Variants in FADS2 observed in about 807,000 individuals in gnomAD.
FADS2 encodes the protein acyl-CoA 6-desaturase.
FADS2 carries 18 observed loss-of-function variants against 61.2 expected under a neutral mutation model. The observed-to-expected ratio is 0.29, with a 90% CI of 0.20 to 0.44. The LOEUF (loss-of-function observed/expected upper bound fraction) is 0.44, where lower values mean the gene tolerates loss of function less well. Ranked by LOEUF, FADS2 falls within the 20% of genes least tolerant of loss-of-function variation. FADS2 has a pLI of 1.00. For synonymous variants in FADS2, 203 were observed against 223.9 expected (o/e 0.91, Z 0.83); for missense variants, 322 against 572.7 (o/e 0.56, Z 4.47).
chr11:61,857,987 T>G (rs1221435576), intron 7 of FADS2, among the ~76,000 whole-genome samples: 1 of 152,194 alleles, frequency 6.6e-6, no homozygotes, highest in East Asian at 1.9e-4. Flanking sequence ...GCAGCAGCGA[T>G]GTGTTTTCTC....
At chr11:61,860,571 G>T (rs1304158036) in intron 7 of FADS2, among the ~76,000 whole-genome samples, 1 of 152,148 alleles carries the variant, frequency 6.6e-6, no homozygotes, top group African/African-American at 2.4e-5. Flanking sequence ...GATCTCTTGG[G>T]CTCTCTGCCC....
At chr11:61,862,914 A>C in intron 7 of FADS2, 58 bp from the exon 8 acceptor site, 1 of 1,399,256 alleles carries the variant, frequency 7.1e-7, no homozygotes, top group Non-Finnish European at 1.0e-6. Flanking sequence ...TGGGGCACGC[A>C]CTTGGTGCCA....
upstream of FADS2, chr11:61,827,448 CT>C (rs3834458): frequency 0.29 from 43,519 of 152,130 alleles, 8,063 homozygotes; most frequent in East Asian, 0.55. This position sits in a 1 kb window ranked among gnomAD's most constrained non-coding sequence, Gnocchi z 4.5. Flanking sequence ...CAATTCTTTT[CT>C]AAGATTGTCT....
chr11:61,828,054 C>T (rs1565326474), upstream of FADS2: 1 of 1,185,734 alleles, frequency 8.4e-7, no homozygotes, highest in Non-Finnish European at 1.0e-6. This position sits in a 1 kb window ranked among gnomAD's most constrained non-coding sequence, Gnocchi z 6.4. Context: ...CGGGGGGAGC[C>T]GGAGGGGCGG....
chr11:61,822,008 C>A (rs1242301955), intron 1 of FADS2, among the ~76,000 whole-genome samples: 1 of 150,832 alleles, frequency 6.6e-6, no homozygotes, highest in Admixed American at 6.6e-5. Flanking sequence ...CTCGCTCTGT[C>A]ACCCAGGCTG....
At chr11:61,863,638 C>T in intron 9 of FADS2, 69 bp from the exon 10 acceptor site, 7 of 1,359,190 alleles carry the variant, frequency 5.2e-6, no homozygotes, top group African/African-American at 1.4e-5. Flanking sequence ...TAAGGCTGGG[C>T]CCCCTGGGAA....
At chr11:61,850,142 C>T (rs941361093) in intron 5 of FADS2, among the ~76,000 whole-genome samples, 35 of 152,184 alleles carry the variant, frequency 2.3e-4, no homozygotes, top group Admixed American at 2.3e-3. Flanking sequence ...GTCTCGTCTC[C>T]CTCTAGCCAT....
Position 61,845,082 on chromosome 11 carries a change from G to A in FADS2, c.619-3077G>A, listed in dbSNP as rs146594609. On this transcript the variant is annotated intron_variant, in intron 4 of 11. Coordinates refer to ENST00000278840, the MANE Select transcript of FADS2 (RefSeq NM_004265.4). Reference sequence around the variant, plus strand: ...TTTTTGCCTCAGGCTCTGATATGGCGCCACCCAGCACTGCTGGTCACAGTT... The same window carrying A: ...TTTTTGCCTCAGGCTCTGATATGGCACCACCCAGCACTGCTGGTCACAGTT... Among the ~76,000 whole-genome samples the A allele has an allele frequency of 1.7e-3, 175 of 105,198 alleles. 3 individuals carry two copies. In the Admixed American group the frequency reaches 0.023, roughly 14 times the overall value. The allele number at this position is 105,198 out of a possible 152,430, so 69.0% of individuals were successfully genotyped here. A position where few individuals can be genotyped will look rare whatever the true frequency, so the allele number is the denominator to read the frequency against.
intron 1 of FADS2, among the ~76,000 whole-genome samples, chr11:61,835,100 C>T (rs72920193): frequency 0.011 from 1,610 of 151,156 alleles, 17 homozygotes; most frequent in Non-Finnish European, 0.014. Flanking sequence ...TGGAATAGCA[C>T]GTCTCTTTTC....
chr11:61,851,402 G>A (rs556947814), intron 5 of FADS2, among the ~76,000 whole-genome samples: 8 of 152,338 alleles, frequency 5.3e-5, no homozygotes, highest in African/African-American at 1.9e-4. Flanking sequence ...GGGAGGCTGT[G>A]AGGATCTGGT....
intron 2 of FADS2, among the ~76,000 whole-genome samples, chr11:61,838,874 C>T (rs2067196090): frequency 6.6e-6 from 1 of 152,126 alleles, no homozygotes; most frequent in Non-Finnish European, 1.5e-5. Flanking sequence ...TCTGCTCGTC[C>T]TGCCCTGTAG....
At chr11:61,858,401 A>ACTCCTGGCCTCAAGTGAT in intron 7 of FADS2, among the ~76,000 whole-genome samples, 1 of 151,186 alleles carries the variant, frequency 6.6e-6, no homozygotes, top group East Asian at 2.0e-4. Flanking sequence ...CTGGTCTCGA[A>ACTCCTGGCCTCAAGTGAT]CTCCTGGCCT....
chr11:61,840,660 C>T lies in FADS2; in HGVS notation c.553C>T (p.Leu185=). 6.2e-7 allele frequency: 1 copy of T among 1,614,206 alleles called. No individual in the cohort carries two copies. The highest frequency in any genetic ancestry group is 1.1e-5 in the South Asian group (1 of 91,088). Reference sequence around the variant, plus strand: ...ATGGCTGCAACATGATTATGGCCACCTGTCTGTCTACAGAAAACCCAAGTG... The same window carrying T: ...ATGGCTGCAACATGATTATGGCCACTTGTCTGTCTACAGAAAACCCAAGTG... The part of the protein sequence containing the change: ...AGWLQHDYGH[L]SVYRKPKWNH... The change falls in exon 4 of 12, where the codon CTG becomes TTG. Residue 185 remains leucine, a synonymous_variant. Transcript: ENST00000278840.
chr11:61,827,621 T>C (rs2135952511), upstream of FADS2: 1 of 152,320 alleles, frequency 6.6e-6, no homozygotes, highest in South Asian at 2.1e-4. The surrounding 1 kb of genome is among the most constrained non-coding windows in gnomAD (Gnocchi z 4.5). Context: ...GCCCTGGAGT[T>C]GAGTGCCCCG....
At chr11:61,817,178 GCTGC>G in intron 1 of FADS2, 1 of 344,462 alleles carries the variant, frequency 2.9e-6, no homozygotes, top group Non-Finnish European at 5.2e-6. Flanking sequence ...AGGGGCCAGG[GCTGC>G]GGGGTGGCCG....
intron 2 of FADS2, among the ~76,000 whole-genome samples, 199 bp downstream of exon 2, chr11:61,838,087 A>G (rs1485874943): frequency 2.0e-5 from 3 of 152,166 alleles, no homozygotes; most frequent in Non-Finnish European, 1.5e-5. Context: ...GACAACAACT[A>G]GTGGCGTCTC....
rs949186916 is a variant in FADS2, at chr11:61,816,898, A to C, written c.141+472A>C. On this transcript the variant is annotated intron_variant, in intron 1 of 11. Transcript: ENST00000257261. This position sits in a 1 kb window ranked among gnomAD's most constrained non-coding sequence, Gnocchi z 7.0. ...CGCCGGGTTTTCAGCACCGCAGGGC[A>C]GACCGGCGGGCCTCGCAGCGCGCGT... is the stretch of plus-strand genomic sequence containing the variant. 71 of 1,424,376 alleles carry C rather than the reference A, an allele frequency of 5.0e-5. No individual in the cohort carries two copies. Among genetic ancestry groups the C allele is most frequent in the Non-Finnish European group, 6.4e-5 (70 of 1,101,488 alleles). The allele number at this position is 1,424,376 out of a possible 1,614,324, so 88.2% of individuals were successfully genotyped here. A position where few individuals can be genotyped will look rare whatever the true frequency, so the allele number is the denominator to read the frequency against.
At chr11:61,856,589 G>T in intron 5 of FADS2, 1 of 162,422 alleles carries the variant, frequency 6.2e-6, no homozygotes. Flanking sequence ...GGGTGCTTAT[G>T]CTCCGCCGAG....
intron 7 of FADS2, among the ~76,000 whole-genome samples, chr11:61,860,885 G>T (rs1272516430): frequency 6.6e-6 from 1 of 152,114 alleles, no homozygotes; most frequent in Non-Finnish European, 1.5e-5. Flanking sequence ...TCAAGCCTGG[G>T]CAACAGAGTG....
Sources: allele counts gnomAD v4.1 joint callset (sites outside exome capture counted in the v4.1 genomes callset), GRCh38; gene constraint gnomAD v4.1.1; non-coding constraint Gnocchi (gnomAD v3.1); transcripts MANE v1.5; gene names NCBI Gene and HGNC (gene_info 2026-07-23, HGNC 2026-07-21).